ARHGEF10L: variants seen among roughly 807,000 people sequenced by gnomAD.
ARHGEF10L encodes rho guanine nucleotide exchange factor 10-like protein.
ARHGEF10L carries 69 observed loss-of-function variants against 141.2 expected under a neutral mutation model. That is an observed-to-expected ratio of 0.49 (90% CI 0.40 to 0.60). ARHGEF10L has a LOEUF of 0.60. Among genes scored for constraint, ARHGEF10L ranks in the 20% least tolerant of loss-of-function variants. The pLI, the probability that ARHGEF10L is intolerant of heterozygous loss-of-function variation, is 0.00. For missense variants in ARHGEF10L, 1,482 were observed against 1,734.3 expected (o/e 0.85, Z 2.58); for synonymous variants, 711 against 718.5 (o/e 0.99, Z 0.17).
chr1:17,589,024 C>G (rs1002664507), intron 4 of ARHGEF10L, among the ~76,000 whole-genome samples: 1 of 151,964 alleles, frequency 6.6e-6, no homozygotes, highest in Non-Finnish European at 1.5e-5. Flanking sequence ...AGGGACCCTG[C>G]CCTCTGTGCC....
chr1:17,525,854 T>C, the ARHGEF10L span, among the ~76,000 whole-genome samples: 1 of 150,724 alleles, frequency 6.6e-6, no homozygotes, highest in Non-Finnish European at 1.5e-5. Flanking sequence ...AATACAAAAA[T>C]TAGCCAGGTG....
At position 17,638,702 on chromosome 1, in the gene ARHGEF10L, G is replaced by A. The variant is rs745735824; in HGVS notation, c.2171+13G>A. On this transcript the variant is annotated intron_variant, in intron 20 of 28. Coordinates refer to ENST00000361221, the MANE Select transcript of ARHGEF10L (RefSeq NM_018125.4). ...GGAAACCCGACAAGTGAGAGGAGGG[G>A]GTCTTGGAGGGAGGGCTGCTGCCTC... is the stretch of plus-strand genomic sequence containing the variant. The A allele has an allele frequency of 2.1e-5, 34 of 1,613,444 alleles. No homozygotes were observed. Among genetic ancestry groups the A allele is most frequent in the South Asian group, 2.0e-4 (18 of 91,062 alleles).
rs55806926 is a variant in ARHGEF10L at position 17,601,049 on chromosome 1, C to CAAAA, written c.258-1062_258-1059dup. On this transcript the variant is annotated intron_variant, in intron 4 of 28. Transcript: ENST00000361221. The stretch of plus-strand genomic sequence containing the variant: ...TGGGCGACAGAGCGAGGCTCTGTCT[C>CAAAA]AAAAAAAAAAAAAAAAAAACAAAAA... Among the ~76,000 whole-genome samples the CAAAA allele has an allele frequency of 1.6e-3, 83 of 51,120 alleles. 1 individual carries two copies. The highest frequency in any genetic ancestry group is 5.0e-3 in the African/African-American group (77 of 15,306). The allele number at this position is 51,120 out of a possible 152,430, so 33.5% of individuals were successfully genotyped here. A position where few individuals can be genotyped will look rare whatever the true frequency, so the allele number is the denominator to read the frequency against.
chr1:17,580,021 C>T (rs542180608), intron 1 of ARHGEF10L, among the ~76,000 whole-genome samples: 29 of 152,260 alleles, frequency 1.9e-4, no homozygotes, highest in Non-Finnish European at 3.7e-4. Flanking sequence ...GGCCAGGTTA[C>T]CTCCTGCCTG....
intron 27 of ARHGEF10L, among the ~76,000 whole-genome samples, chr1:17,690,324 C>T (rs1480003963): frequency 6.6e-6 from 1 of 152,230 alleles, no homozygotes. Flanking sequence ...GCACTCAGAG[C>T]ACCAGCTTCC....
At chr1:17,533,890 A>G in the ARHGEF10L span, among the ~76,000 whole-genome samples, 3 of 151,948 alleles carry the variant, frequency 2.0e-5, no homozygotes, top group African/African-American at 4.8e-5. Flanking sequence ...GGCACTCTCC[A>G]TTCATACTGC....
intron 21 of ARHGEF10L, among the ~76,000 whole-genome samples, chr1:17,641,618 A>G (rs1267777324): frequency 2.0e-5 from 3 of 150,584 alleles, no homozygotes; most frequent in Non-Finnish European, 4.4e-5. Flanking sequence ...GCCAGACTCC[A>G]TCTCAAAAAC....
rs1369427270 is a variant in ARHGEF10L, at chr1:17,696,905, C to T, written c.3365C>T (p.Ala1122Val). Residue 1122 changes from alanine (A) to valine (V), a missense_variant, in exon 29 of 29, where the codon GCT becomes GTT. Physicochemically the swap from Ala to Val is moderately conservative, Grantham distance 64 (BLOSUM62 0). Coordinates refer to ENST00000361221, the MANE Select transcript of ARHGEF10L (RefSeq NM_018125.4). Reference sequence around the variant, plus strand: ...GGGCCTGTGGCCTTCCTGGCTGTGGCTACCAGCATCCTGGCCCCTGACATC... The same window carrying T: ...GGGCCTGTGGCCTTCCTGGCTGTGGTTACCAGCATCCTGGCCCCTGACATC... ...HCGPVAFLAVATSILAPDILR... is the reference protein window; with the variant it reads ...HCGPVAFLAVVTSILAPDILR... The T allele has an allele frequency of 6.2e-7, 1 of 1,606,082 alleles. No homozygotes were observed. Among genetic ancestry groups the T allele is most frequent in the Admixed American group, 1.7e-5 (1 of 59,242 alleles).
rs2062293411 is a variant in ARHGEF10L, at chr1:17,656,881, T to C, written c.2860+173T>C. On this transcript the variant is annotated intron_variant, in intron 25 of 28. Coordinates refer to ENST00000361221, the MANE Select transcript of ARHGEF10L (RefSeq NM_018125.4). This position sits in a 1 kb window ranked among gnomAD's most constrained non-coding sequence, Gnocchi z 4.9. ...CTGGGGTTCAATGGGTGGTCCCCCA[T>C]ATGTGAATACCTGCTGGAATAGGGT... 6.6e-6 allele frequency among the ~76,000 whole-genome samples: 1 copy of C among 152,106 alleles called. No homozygotes were observed.
At chr1:17,583,524 C>T (rs1394617152) in intron 2 of ARHGEF10L, among the ~76,000 whole-genome samples, 1 of 152,182 alleles carries the variant, frequency 6.6e-6, no homozygotes, top group East Asian at 1.9e-4. Flanking sequence ...CCCAACAACC[C>T]TGTGAGGTAG....
intron 3 of ARHGEF10L, 28 bp from the exon 4 acceptor site, chr1:17,588,418 A>G (rs1367290064): frequency 1.2e-6 from 2 of 1,613,406 alleles, no homozygotes; most frequent in South Asian, 1.1e-5. Context: ...CTGGCCTGAC[A>G]GGCTCTCTGT....
Position 17,603,660 on chromosome 1 carries a change from T to C in ARHGEF10L, c.433+69T>C. The stretch of plus-strand genomic sequence containing the variant: ...GAGGGAGGCTGGGACTGGGGAGGGT[T>C]GTCTCTTTCCGTTTCCTTCTGTCCC... On this transcript the variant is annotated intron_variant, in intron 6 of 28. Coordinates refer to ENST00000361221, the MANE Select transcript of ARHGEF10L (RefSeq NM_018125.4). This position sits in a 1 kb window ranked among gnomAD's most constrained non-coding sequence, Gnocchi z 4.8. 7.1e-7 allele frequency: 1 copy of C among 1,408,614 alleles called. No individual in the cohort carries two copies. 87.3% of individuals were successfully genotyped at this position (1,408,614 alleles called of 1,614,324 possible).
rs1420313583 is a variant in ARHGEF10L, at chr1:17,568,899, C to A, written c.-43-11654C>A. Among the ~76,000 whole-genome samples, 4 of 152,142 alleles carry A rather than the reference C, an allele frequency of 2.6e-5. No homozygotes were observed. The East Asian group carries it at 7.7e-4, about 29-fold the overall frequency. On this transcript the variant is annotated intron_variant, in intron 1 of 28. Transcript: ENST00000361221. Reference sequence around the variant, plus strand: ...GCCATCCCTCCCTGCTCTCCCTCCCCCAACACCTCCAGCCCAGTCTTCCCT... The same window carrying A: ...GCCATCCCTCCCTGCTCTCCCTCCCACAACACCTCCAGCCCAGTCTTCCCT...
intron 4 of ARHGEF10L, among the ~76,000 whole-genome samples, chr1:17,596,661 T>G (rs1248022465): frequency 6.6e-6 from 1 of 152,164 alleles, no homozygotes; most frequent in Non-Finnish European, 1.5e-5. Context: ...AAGGGACCCT[T>G]GGAGGTTCAC....
At chr1:17,634,690 C>T in intron 17 of ARHGEF10L, 128 bp downstream of exon 17, 1 of 1,469,240 alleles carries the variant, frequency 6.8e-7, no homozygotes, top group Non-Finnish European at 9.2e-7. Flanking sequence ...GATCCCTGCT[C>T]TGCCTGGCTT....
At chr1:17,642,047 G>A (rs1219566119) in intron 21 of ARHGEF10L, among the ~76,000 whole-genome samples, 5 of 152,012 alleles carry the variant, frequency 3.3e-5, no homozygotes. Context: ...TTCATTAATG[G>A]AAAAAACTGT....
intron 1 of ARHGEF10L, among the ~76,000 whole-genome samples, chr1:17,565,743 G>T (rs1330385833): frequency 6.6e-6 from 1 of 152,178 alleles, no homozygotes; most frequent in Non-Finnish European, 1.5e-5. Context: ...GAGCTCGGCA[G>T]TCTGGTTGTT....
At chr1:17,525,179 G>A in the ARHGEF10L span, among the ~76,000 whole-genome samples, 1 of 152,198 alleles carries the variant, frequency 6.6e-6, no homozygotes, top group Non-Finnish European at 1.5e-5. Flanking sequence ...CCCCAGCATG[G>A]GGAGGGAGGA....
the ARHGEF10L span, among the ~76,000 whole-genome samples, chr1:17,521,673 G>A: frequency 6.6e-6 from 1 of 152,218 alleles, no homozygotes; most frequent in Non-Finnish European, 1.5e-5. Flanking sequence ...GCACAGAGAG[G>A]TTAAGTAACT....
Sources: allele counts gnomAD v4.1 joint callset (sites outside exome capture counted in the v4.1 genomes callset), GRCh38; gene constraint gnomAD v4.1.1; non-coding constraint Gnocchi (gnomAD v3.1); transcripts MANE v1.5; gene names NCBI Gene and HGNC (gene_info 2026-07-23, HGNC 2026-07-21).